Variants in TMIGD3 observed in about 807,000 individuals in gnomAD.
TMIGD3 encodes transmembrane and immunoglobulin domain containing 3.
TMIGD3 carries 21 observed loss-of-function variants against 28.1 expected under a neutral mutation model. The ratio of observed to expected loss-of-function variants is 0.75; its 90% CI spans 0.53 to 1.08. The LOEUF (loss-of-function observed/expected upper bound fraction) is 1.08, where lower values mean the gene tolerates loss of function less well. TMIGD3 is among the 50% of genes least tolerant of loss of function. The pLI is 0.00. For missense variants in TMIGD3, 416 were observed against 435.6 expected, an observed-to-expected ratio of 0.96 and a Z score of 0.40; for synonymous variants, 151 against 162.1, an observed-to-expected ratio of 0.93 and a Z score of 0.52.
intron 1 of TMIGD3, among the ~76,000 whole-genome samples, chr1:111,557,208 A>G (rs1657529947): frequency 6.6e-6 from 1 of 152,210 alleles, no homozygotes; most frequent in Non-Finnish European, 1.5e-5. Context: ...TTTCTTCAAA[A>G]GACTGAAATG....
chr1:111,532,485 C>G (rs898623498), intron 1 of TMIGD3, among the ~76,000 whole-genome samples: 5 of 152,138 alleles, frequency 3.3e-5, no homozygotes, highest in African/African-American at 1.2e-4. Context: ...CAGAGGCTGC[C>G]TTTTCCAGAG....
intron 1 of TMIGD3, among the ~76,000 whole-genome samples, chr1:111,534,233 T>C (rs765332852): frequency 1.3e-5 from 2 of 152,194 alleles, no homozygotes; most frequent in Non-Finnish European, 2.9e-5. Context: ...TAATACAACC[T>C]CATTCATTGT....
chr1:111,491,377 T>TGCA (rs1477789144), intron 1 of TMIGD3, among the ~76,000 whole-genome samples: 1 of 152,256 alleles, frequency 6.6e-6, no homozygotes, highest in Non-Finnish European at 1.5e-5. Flanking sequence ...GATTCATCTA[T>TGCA]GCAGCAGCAG....
chr1:111,556,905 A>ATG (rs770113415), intron 1 of TMIGD3, among the ~76,000 whole-genome samples: 35 of 149,014 alleles, frequency 2.3e-4, no homozygotes, highest in Middle Eastern at 6.8e-3. Context: ...TTTACATTAT[A>ATG]TATATGTATG....
In TMIGD3 at chr1:111,530,074, C is replaced by T. The variant is rs184753815; in HGVS notation, c.107+33772G>A. Among the ~76,000 whole-genome samples, 849 of 151,550 alleles carry T rather than the reference C, an allele frequency of 5.6e-3. 10 individuals carry two copies. Among genetic ancestry groups the T allele is most frequent in the African/African-American group, 0.02 (808 of 41,146 alleles). On this transcript the variant is annotated intron_variant, in intron 1 of 5. Coordinates refer to the TMIGD3 transcript ENST00000369717. The stretch of plus-strand genomic sequence containing the variant: ...CTCCTCACTTCCCAGTAGGGGCGGC[C>T]GGGCAGAGGCGCCCCTCTGTAATTG...
chr1:111,509,813 T>A (rs1655631423), intron 1 of TMIGD3, among the ~76,000 whole-genome samples: 1 of 152,244 alleles, frequency 6.6e-6, no homozygotes, highest in Non-Finnish European at 1.5e-5. Context: ...TTTGCATACA[T>A]CACTCACAAT....
intron 1 of TMIGD3, among the ~76,000 whole-genome samples, chr1:111,554,051 A>C (rs1571462143): frequency 3.9e-5 from 6 of 152,262 alleles, no homozygotes. Context: ...GTGCATATGC[A>C]CTAAAGCCAG....
chr1:111,543,182 T>G (rs1322221912), intron 1 of TMIGD3, among the ~76,000 whole-genome samples: 1 of 152,140 alleles, frequency 6.6e-6, no homozygotes, highest in African/African-American at 2.4e-5. Flanking sequence ...AACTATGAAG[T>G]ATAGTTTTTA....
intron 1 of TMIGD3, among the ~76,000 whole-genome samples, chr1:111,510,773 T>C (rs1187327225): frequency 1.3e-5 from 2 of 152,186 alleles, no homozygotes; most frequent in Non-Finnish European, 2.9e-5. Flanking sequence ...TTCAGGCATA[T>C]TGCAGGTTGA....
upstream of TMIGD3, among the ~76,000 whole-genome samples, chr1:111,505,943 T>C (rs1655471472): frequency 6.6e-6 from 1 of 152,224 alleles, no homozygotes; most frequent in Non-Finnish European, 1.5e-5. Flanking sequence ...CACCATTGGC[T>C]GCACCAGACT....
chr1:111,555,226 T>C (rs12029298), intron 1 of TMIGD3, among the ~76,000 whole-genome samples: 1 of 150,618 alleles, frequency 6.6e-6, no homozygotes. Flanking sequence ...ACTAGCTGAG[T>C]GTGGTGGTGC....
At chr1:111,494,982 T>C (rs1209285821) in intron 1 of TMIGD3, among the ~76,000 whole-genome samples, 3 of 152,170 alleles carry the variant, frequency 2.0e-5, no homozygotes, top group African/African-American at 7.2e-5. Flanking sequence ...TTATACCATA[T>C]ACAAAAATCA....
upstream of TMIGD3, chr1:111,503,681 A>C (rs1655371064): frequency 6.5e-6 from 7 of 1,080,362 alleles, no homozygotes; most frequent in South Asian, 1.3e-4. Flanking sequence ...GATGTCCTCA[A>C]CGCCTCTGCC....
intron 1 of TMIGD3, among the ~76,000 whole-genome samples, chr1:111,550,884 A>G (rs1195323540): frequency 6.6e-6 from 1 of 151,186 alleles, no homozygotes; most frequent in African/African-American, 2.4e-5. Context: ...CCTGTCTTAT[A>G]GTTTAACCTG....
chr1:111,503,935 C>T (rs1544223), upstream of TMIGD3: 733,470 of 984,732 alleles, frequency 0.74, 273,682 homozygotes, highest in Middle Eastern at 0.81. Flanking sequence ...GAAGCACTGA[C>T]TATGCAATCT....
chr1:111,493,982 G>A (rs1466719931), intron 1 of TMIGD3, among the ~76,000 whole-genome samples: 1 of 149,214 alleles, frequency 6.7e-6, no homozygotes, highest in Non-Finnish European at 1.5e-5. Flanking sequence ...TCTAGAAAAT[G>A]TGCATTTGGT....
chr1:111,488,623 C>T (rs1183119306), intron 3 of TMIGD3, 54 bp downstream of exon 3: 5 of 1,512,716 alleles, frequency 3.3e-6, no homozygotes, highest in South Asian at 1.2e-5. Context: ...CTCTTAGCAG[C>T]AAACACCCAT....
chr1:111,541,009 G>A (rs759717269), intron 1 of TMIGD3, among the ~76,000 whole-genome samples: 1 of 144,286 alleles, frequency 6.9e-6, no homozygotes, highest in Non-Finnish European at 1.5e-5. Context: ...TTAGGCATTG[G>A]AAGCCACATA....
intron 1 of TMIGD3, among the ~76,000 whole-genome samples, chr1:111,537,975 A>T (rs1006725592): frequency 9.2e-5 from 14 of 152,108 alleles, no homozygotes; most frequent in Admixed American, 7.9e-4. Context: ...CTATTTTTTT[A>T]AAATACTTTC....
Sources: gnomAD v4.1 joint callset for allele counts (sites outside exome capture counted in the v4.1 genomes callset) on GRCh38, gnomAD v4.1.1 for gene constraint, MANE v1.5 for transcripts, NCBI Gene and HGNC (gene_info 2026-07-23, HGNC 2026-07-21) for gene names.